PTPRT: variants seen among roughly 807,000 people sequenced by gnomAD.
PTPRT encodes the protein protein tyrosine phosphatase receptor type T.
A neutral mutation model predicts 176.8 loss-of-function variants in PTPRT; 56 were observed. That is an observed-to-expected ratio of 0.32 (90% CI 0.26 to 0.40). The LOEUF (loss-of-function observed/expected upper bound fraction) is 0.40, where lower values mean the gene tolerates loss of function less well. Among genes scored for constraint, PTPRT ranks in the 10% least tolerant of loss-of-function variants. PTPRT has a pLI of 1.00. For synonymous variants in PTPRT, 783 were observed against 739.0 expected (o/e 1.06, Z -0.96); for missense variants, 1,540 against 1,908.2 (o/e 0.81, Z 3.60).
chr20:42,601,928 C>T (rs1434329512), intron 7 of PTPRT, among the ~76,000 whole-genome samples: 1 of 152,144 alleles, frequency 6.6e-6, no homozygotes, highest in East Asian at 1.9e-4. Flanking sequence ...AGGATGCAGG[C>T]ATGGTGAACA....
At chr20:42,851,693 T>C (rs1231498228) in intron 2 of PTPRT, among the ~76,000 whole-genome samples, 1 of 152,244 alleles carries the variant, frequency 6.6e-6, no homozygotes, top group Non-Finnish European at 1.5e-5. Context: ...TTTGCAACCA[T>C]ATCGTCTCTT....
chr20:42,340,471 A>T (rs1019389616), intron 11 of PTPRT, among the ~76,000 whole-genome samples: 1 of 152,206 alleles, frequency 6.6e-6, no homozygotes, highest in African/African-American at 2.4e-5. Flanking sequence ...TGGAGACTCT[A>T]ACTTTAAGAT....
rs111757346 is a variant in PTPRT at position 42,080,391 on chromosome 20, G to T, written c.*488C>A. On this transcript the variant is annotated 3_prime_UTR_variant, in exon 31 of 31. Coordinates refer to ENST00000373187, the MANE Select transcript of PTPRT (RefSeq NM_007050.6). ...AGACTGCAAATGTCTGGTGCCAGAG[G>T]CCCCTGAAGGAGGTTGCAGGGGGCA... 1,261 of 233,592 alleles carry T rather than the reference G, an allele frequency of 5.4e-3. 10 individuals carry two copies. The highest frequency in any genetic ancestry group is 0.026 in the African/African-American group (1,186 of 45,352). 14.5% of individuals were successfully genotyped at this position (233,592 alleles called of 1,614,324 possible).
At chr20:42,363,203 G>A (rs2058455869) in intron 9 of PTPRT, among the ~76,000 whole-genome samples, 1 of 137,834 alleles carries the variant, frequency 7.3e-6, no homozygotes, top group African/African-American at 2.7e-5. Flanking sequence ...TGTAATCATG[G>A]ACCCACAAGT....
At chr20:43,173,379 C>T (rs2015050599) in intron 1 of PTPRT, among the ~76,000 whole-genome samples, 1 of 152,154 alleles carries the variant, frequency 6.6e-6, no homozygotes, top group African/African-American at 2.4e-5. Flanking sequence ...TTATGCAGGC[C>T]CTTATATCTC....
intron 8 of PTPRT, among the ~76,000 whole-genome samples, chr20:42,463,607 C>T (rs2071057834): frequency 6.6e-6 from 1 of 152,102 alleles, no homozygotes; most frequent in African/African-American, 2.4e-5. Flanking sequence ...CTTTCCTCCC[C>T]TCCCCTCCTC....
At chr20:42,568,839 G>A (rs2073093143) in intron 7 of PTPRT, among the ~76,000 whole-genome samples, 1 of 151,542 alleles carries the variant, frequency 6.6e-6, no homozygotes, top group South Asian at 2.1e-4. Flanking sequence ...CACGAGGTCA[G>A]GAGTTCAAGA....
chr20:42,677,537 A>T (rs906245312), intron 7 of PTPRT, among the ~76,000 whole-genome samples: 3 of 152,132 alleles, frequency 2.0e-5, no homozygotes, highest in Non-Finnish European at 2.9e-5. Flanking sequence ...AAATGGCACC[A>T]GGAGTTCTGG....
chr20:42,664,416 A>G (rs965855880), intron 7 of PTPRT, among the ~76,000 whole-genome samples: 1 of 152,090 alleles, frequency 6.6e-6, no homozygotes, highest in African/African-American at 2.4e-5. Flanking sequence ...CATGACCTCA[A>G]TGGTGTATTT....
chr20:42,416,211 C>G (rs1305318833), intron 9 of PTPRT, among the ~76,000 whole-genome samples: 1 of 152,148 alleles, frequency 6.6e-6, no homozygotes, highest in Non-Finnish European at 1.5e-5. Flanking sequence ...CATGTGAAGA[C>G]TGAGGCAGAG....
Position 43,079,122 on chromosome 20 carries a change from T to C in PTPRT, c.88+110524A>G, listed in dbSNP as rs532116046. 3.3e-5 allele frequency among the ~76,000 whole-genome samples: 5 copies of C among 152,074 alleles called. No homozygotes were observed. In the East Asian group the frequency reaches 9.7e-4, roughly 29 times the overall value. Reference sequence around the variant, plus strand: ...CCACCTCTATTTAGTTGCTCACTCATAACCTTTCTTTCCTTTTTCTTTTTT... The same window carrying C: ...CCACCTCTATTTAGTTGCTCACTCACAACCTTTCTTTCCTTTTTCTTTTTT... On this transcript the variant is annotated intron_variant, in intron 1 of 30. Transcript: ENST00000373187.
chr20:42,556,835 G>C (rs1378632112), intron 7 of PTPRT, among the ~76,000 whole-genome samples: 1 of 152,126 alleles, frequency 6.6e-6, no homozygotes, highest in Non-Finnish European at 1.5e-5. Flanking sequence ...GAGTGACATT[G>C]CTGGTGCCCA....
At chr20:42,170,239 C>CT (rs1990020567) in intron 16 of PTPRT, among the ~76,000 whole-genome samples, 1 of 152,232 alleles carries the variant, frequency 6.6e-6, no homozygotes, top group Non-Finnish European at 1.5e-5. Context: ...TCAACCAACT[C>CT]TAACACTTGA....
intron 5 of PTPRT, among the ~76,000 whole-genome samples, chr20:42,770,813 T>C (rs1458704297): frequency 2.6e-5 from 4 of 152,178 alleles, no homozygotes; most frequent in African/African-American, 7.2e-5. Context: ...TAGAGGGTAG[T>C]TGGAAAAGGT....
At chr20:42,170,024 G>A (rs184029832) in intron 16 of PTPRT, among the ~76,000 whole-genome samples, 1 of 152,140 alleles carries the variant, frequency 6.6e-6, no homozygotes. Flanking sequence ...TCTAGGAAAG[G>A]TTCTCTTATC....
At chr20:42,597,099 T>C (rs1452217513) in intron 7 of PTPRT, among the ~76,000 whole-genome samples, 2 of 152,166 alleles carry the variant, frequency 1.3e-5, no homozygotes, top group Non-Finnish European at 2.9e-5. Context: ...GATCTCATCT[T>C]AGGCTGAGTC....
chr20:43,035,594 T>A (rs983975258), intron 1 of PTPRT, among the ~76,000 whole-genome samples: 1 of 152,230 alleles, frequency 6.6e-6, no homozygotes, highest in Non-Finnish European at 1.5e-5. Flanking sequence ...ACACTGTGGG[T>A]ATTTCATAAT....
At chr20:42,975,044 C>T (rs541863608) in intron 1 of PTPRT, among the ~76,000 whole-genome samples, 46 of 152,150 alleles carry the variant, frequency 3.0e-4, no homozygotes, top group Middle Eastern at 6.8e-3. Flanking sequence ...TATAACTCTG[C>T]CTCCGTGAGC....
intron 22 of PTPRT, 42 bp from the exon 23 acceptor site, chr20:42,110,529 C>A (rs754082253): frequency 1.3e-6 from 2 of 1,546,334 alleles, no homozygotes; most frequent in South Asian, 2.5e-5. Flanking sequence ...CTGCTGCCCT[C>A]GCATACCCAG....
Sources: allele counts gnomAD v4.1 joint callset (sites outside exome capture counted in the v4.1 genomes callset), GRCh38; gene constraint gnomAD v4.1.1; transcripts MANE v1.5; gene names NCBI Gene and HGNC (gene_info 2026-07-23, HGNC 2026-07-21).